The following PARD3 variants were observed in gnomAD, a reference collection of about 807,000 sequenced individuals.
PARD3 encodes the protein par-3 family cell polarity regulator.
A neutral mutation model predicts 155.4 loss-of-function variants in PARD3; 75 were observed. The ratio of observed to expected loss-of-function variants is 0.48; its 90% confidence interval spans 0.40 to 0.58. The LOEUF (loss-of-function observed/expected upper bound fraction) is 0.58. Ranked by LOEUF, PARD3 falls within the 20% of genes least tolerant of loss-of-function variation. The pLI is 0.00. For synonymous variants in PARD3, 576 were observed against 610.5 expected (o/e 0.94, Z 0.83); for missense variants, 1,642 against 1,721.7 (o/e 0.95, Z 0.82).
chr10:34,381,912 C>CAAAAAAAAAAAAAAAAA (rs202053812), intron 9 of PARD3, among the ~76,000 whole-genome samples: 90 of 71,832 alleles, frequency 1.3e-3, no homozygotes, highest in East Asian at 1.5e-3. Flanking sequence ...GGCCCTGTCT[C>CAAAAAAAAAAAAAAAAA]AAAAAAAAAA....
chr10:34,733,609 A>G (rs2094856965), intron 1 of PARD3, among the ~76,000 whole-genome samples: 1 of 152,136 alleles, frequency 6.6e-6, no homozygotes, highest in South Asian at 2.1e-4. Context: ...TCAGCCTCCC[A>G]AGCAGCTGAG....
intron 2 of PARD3, among the ~76,000 whole-genome samples, chr10:34,655,438 G>A (rs1007960078): frequency 3.3e-5 from 5 of 152,140 alleles, no homozygotes; most frequent in African/African-American, 1.2e-4. Context: ...GTGGGTGTGT[G>A]TGAGATGGAG....
chr10:34,530,553 A>G (rs2082776904), intron 2 of PARD3, among the ~76,000 whole-genome samples: 1 of 152,134 alleles, frequency 6.6e-6, no homozygotes, highest in Non-Finnish European at 1.5e-5. Flanking sequence ...GAAGTCCTTC[A>G]TCCCCCACTT....
At chr10:34,555,873 C>T (rs749997527) in intron 2 of PARD3, among the ~76,000 whole-genome samples, 1 of 152,164 alleles carries the variant, frequency 6.6e-6, no homozygotes, top group Non-Finnish European at 1.5e-5. Flanking sequence ...CATCACCCTG[C>T]ACCACCTCCT....
intron 20 of PARD3, among the ~76,000 whole-genome samples, chr10:34,303,160 G>GA (rs1489313346): frequency 7.3e-4 from 78 of 106,856 alleles, no homozygotes; most frequent in Non-Finnish European, 1.1e-3. Context: ...CTGCCCAGGT[G>GA]AATTTTTTTT....
intron 20 of PARD3, among the ~76,000 whole-genome samples, chr10:34,288,731 C>G (rs1366559183): frequency 4.6e-5 from 7 of 152,154 alleles, no homozygotes; most frequent in African/African-American, 1.7e-4. Flanking sequence ...TCAGATGAGC[C>G]ACCTTCCAAG....
rs1310040276 is a variant in PARD3 at position 34,220,691 on chromosome 10, C to T, written c.3419+48966G>A. On this transcript the variant is annotated intron_variant, in intron 22 of 24. Coordinates refer to ENST00000374788, the MANE Select transcript of PARD3 (RefSeq NM_001184785.2). ...TGTGAAATGGGGGTGATGGCACCTT[C>T]TGCTTAGGTCCTAGTTGGGAAGATT... 2.0e-5 allele frequency among the ~76,000 whole-genome samples: 3 copies of T among 152,194 alleles called. No individual in the cohort carries two copies. In the East Asian group the frequency reaches 5.8e-4, roughly 29 times the overall value.
At chr10:34,146,066 G>T (rs1948490911) in intron 22 of PARD3, among the ~76,000 whole-genome samples, 1 of 152,096 alleles carries the variant, frequency 6.6e-6, no homozygotes, top group Admixed American at 6.5e-5. Flanking sequence ...GTGTGATTCT[G>T]TCATTCTATA....
intron 2 of PARD3, among the ~76,000 whole-genome samples, chr10:34,559,039 T>C (rs2085247143): frequency 1.4e-5 from 2 of 143,954 alleles, no homozygotes; most frequent in African/African-American, 5.3e-5. Context: ...GAAAACTCAT[T>C]TTTCCCCCCC....
intron 22 of PARD3, among the ~76,000 whole-genome samples, chr10:34,250,857 G>A (rs927243561): frequency 6.6e-6 from 1 of 151,904 alleles, no homozygotes; most frequent in African/African-American, 2.4e-5. Flanking sequence ...TATTGAAGAC[G>A]GCCTTATCAT....
rs374618914 is a variant in PARD3, at chr10:34,455,338, T to C, written c.583-4890A>G. Among the ~76,000 whole-genome samples, 15 of 152,328 alleles carry C rather than the reference T, an allele frequency of 9.8e-5. No individual in the cohort carries two copies. In the East Asian group the frequency reaches 2.9e-3, roughly 29 times the overall value. The stretch of plus-strand genomic sequence containing the variant: ...TCCCGTGTGATGTTAAGATTTTACA[T>C]TTCCCACATTTTTCAGCTCTGCAAT... On this transcript the variant is annotated intron_variant, in intron 4 of 24. Transcript: ENST00000374788.
At chr10:34,346,191 A>G in intron 15 of PARD3, 1 of 1,107,054 alleles carries the variant, frequency 9.0e-7, no homozygotes, top group Non-Finnish European at 1.1e-6. Flanking sequence ...AACAATGTCA[A>G]CTATAATGCA....
intron 22 of PARD3, among the ~76,000 whole-genome samples, chr10:34,223,272 G>A (rs148320055): frequency 1.3e-5 from 2 of 152,272 alleles, no homozygotes; most frequent in African/African-American, 4.8e-5. Flanking sequence ...CCACCAACAA[G>A]AGGGACATAA....
chr10:34,197,371 T>C (rs1950997154), intron 22 of PARD3, among the ~76,000 whole-genome samples: 1 of 152,108 alleles, frequency 6.6e-6, no homozygotes, highest in Admixed American at 6.5e-5. Context: ...GTCCACGAAC[T>C]CCTAGTTCAG....
chr10:34,418,779 G>T (rs1249481128), intron 5 of PARD3, among the ~76,000 whole-genome samples: 1 of 151,960 alleles, frequency 6.6e-6, no homozygotes, highest in Non-Finnish European at 1.5e-5. Context: ...TAGAATTTCT[G>T]TATTTTTTGG....
intron 5 of PARD3, among the ~76,000 whole-genome samples, chr10:34,423,785 T>C (rs1374797239): frequency 1.3e-5 from 2 of 152,188 alleles, no homozygotes; most frequent in Non-Finnish European, 2.9e-5. Context: ...TTTCAAGTAG[T>C]TACGTCAAAT....
intron 2 of PARD3, among the ~76,000 whole-genome samples, chr10:34,622,832 T>C (rs1211199813): frequency 6.8e-6 from 1 of 147,216 alleles, no homozygotes; most frequent in Non-Finnish European, 1.5e-5. Flanking sequence ...TTTTTCTTTT[T>C]TTTTTTTTTT....
chr10:34,295,792 T>G (rs1412181018), intron 20 of PARD3, among the ~76,000 whole-genome samples: 2 of 151,866 alleles, frequency 1.3e-5, no homozygotes, highest in East Asian at 3.9e-4. Context: ...AGCAAAGGAG[T>G]TCAGAGACTC....
In PARD3 at chr10:34,388,338, G is replaced by C. The variant is rs1028449369; in HGVS notation, c.891-4084C>G. Among the ~76,000 whole-genome samples the C allele has an allele frequency of 2.6e-5, 4 of 152,098 alleles. No homozygotes were observed. In the South Asian group the frequency reaches 6.2e-4, roughly 24 times the overall value. ...AGGTGAAAATGATTGCAAAGGAATGGGAATGAACTATCAAAAGAAAAAAAA... is the reference window on the plus strand; with the variant it reads ...AGGTGAAAATGATTGCAAAGGAATGCGAATGAACTATCAAAAGAAAAAAAA... On this transcript the variant is annotated intron_variant, in intron 7 of 24. Transcript: ENST00000374788.
Sources: allele counts gnomAD v4.1 joint callset (sites outside exome capture counted in the v4.1 genomes callset), GRCh38; gene constraint gnomAD v4.1.1; transcripts MANE v1.5; gene names NCBI Gene and HGNC (gene_info 2026-07-23, HGNC 2026-07-21).